KREMEN1: variants seen among roughly 807,000 people sequenced by gnomAD.
KREMEN1 encodes the protein kringle containing transmembrane protein 1, also known as kremen protein 1.
A neutral mutation model predicts 46.5 loss-of-function variants in KREMEN1; 30 were observed. The ratio of observed to expected loss-of-function variants is 0.65; its 90% confidence interval spans 0.48 to 0.88. The LOEUF is 0.88. Among genes scored for constraint, KREMEN1 ranks in the 40% least tolerant of loss-of-function variants. KREMEN1 has a pLI of 0.00. For synonymous variants in KREMEN1, 214 were observed against 230.6 expected, an observed-to-expected ratio of 0.93 and a Z score of 0.65; for missense variants, 533 against 596.9, an observed-to-expected ratio of 0.89 and a Z score of 1.11.
intron 2 of KREMEN1, 58 bp downstream of exon 2, chr22:29,094,478 C>A: frequency 6.9e-7 from 1 of 1,450,408 alleles, no homozygotes; most frequent in Non-Finnish European, 9.4e-7. Context: ...TCTCTTCTTC[C>A]AACCCCTTTC....
intron 4 of KREMEN1, among the ~76,000 whole-genome samples, chr22:29,124,287 T>G (rs1000621936): frequency 2.0e-5 from 3 of 152,186 alleles, no homozygotes; most frequent in Admixed American, 2.0e-4. Context: ...TTATGCTGAC[T>G]GAAAGAAGCC....
intron 7 of KREMEN1, among the ~76,000 whole-genome samples, chr22:29,139,138 T>G (rs937666671): frequency 1.3e-5 from 2 of 152,234 alleles, no homozygotes; most frequent in Admixed American, 1.3e-4. Context: ...ATTCACTCAC[T>G]GACTCATTCA....
chr22:29,142,574 CAGGG>C lies in KREMEN1; in HGVS notation c.*465_*468del. On this transcript the variant is annotated 3_prime_UTR_variant, in exon 9 of 9. Coordinates refer to ENST00000400335, the MANE Select transcript of KREMEN1 (RefSeq NM_001039570.3). ...CTTTATGTCTTGGAACAGGGCCAGA[CAGGG>C]AGAACTCTCAGGTACTCTTGGGAGT... 1 of 985,948 alleles carries C rather than the reference CAGGG, an allele frequency of 1.0e-6. No homozygotes were observed. The highest frequency in any genetic ancestry group is 1.2e-6 in the Non-Finnish European group (1 of 830,288). The allele number at this position is 985,948 out of a possible 1,614,324, so 61.1% of individuals were successfully genotyped here.
At chr22:29,125,606 A>G (rs1285435565) in intron 5 of KREMEN1, among the ~76,000 whole-genome samples, 190 bp downstream of exon 5, 2 of 152,070 alleles carry the variant, frequency 1.3e-5, no homozygotes, top group Admixed American at 1.3e-4. Flanking sequence ...AAGAGAGAAC[A>G]GACACTTAAA....
At chr22:29,098,154 T>C (rs134663) in intron 2 of KREMEN1, among the ~76,000 whole-genome samples, 145,699 of 151,586 alleles carry the variant, frequency 0.96, 70,094 homozygotes, top group East Asian at 1. Flanking sequence ...GCACTCCAGC[T>C]CAGCCTGGGT....
chr22:29,135,851 T>G (rs1475990559), intron 5 of KREMEN1, among the ~76,000 whole-genome samples: 2 of 152,200 alleles, frequency 1.3e-5, no homozygotes, highest in African/African-American at 4.8e-5. Context: ...TAGAATTAAG[T>G]TCCCCTGGTT....
chr22:29,077,247 A>T (rs1011997608), intron 1 of KREMEN1, among the ~76,000 whole-genome samples: 2 of 152,250 alleles, frequency 1.3e-5, no homozygotes, highest in Admixed American at 6.5e-5. Context: ...TGTTGCAATT[A>T]TTCAACTCTG....
At chr22:29,154,227 C>T (rs2038942227) in intron 9 of KREMEN1, 1 of 152,154 alleles carries the variant, frequency 6.6e-6, no homozygotes, top group South Asian at 2.1e-4. Flanking sequence ...GGGCAGTTCC[C>T]TCCTTAGAGA....
Position 29,143,408 on chromosome 22 carries a change from T to C in KREMEN1, c.*1296T>C, listed in dbSNP as rs1054607612. The C allele has an allele frequency of 4.1e-6, 4 of 985,308 alleles. No individual in the cohort carries two copies. Among genetic ancestry groups the C allele is most frequent in the African/African-American group, 1.7e-5 (1 of 57,212 alleles). 61.0% of individuals were successfully genotyped at this position (985,308 alleles called of 1,614,324 possible). A position where few individuals can be genotyped will look rare whatever the true frequency, so the allele number is the denominator to read the frequency against. On this transcript the variant is annotated 3_prime_UTR_variant, in exon 9 of 9. Coordinates refer to ENST00000400335, the MANE Select transcript of KREMEN1 (RefSeq NM_001039570.3). Reference sequence around the variant, plus strand: ...GCAGCACTATATGAGACATGGGGCCTGTGGTCCTTCCTTCTGGTGTCCCCC... The same window carrying C: ...GCAGCACTATATGAGACATGGGGCCCGTGGTCCTTCCTTCTGGTGTCCCCC...
rs1232793499 is a variant in KREMEN1, at chr22:29,138,557, C to G, written c.965-67C>G. On this transcript the variant is annotated intron_variant, in intron 6 of 8. Transcript: ENST00000400335. ...AGAACTCTTCTTCATAACTCGTGCT[C>G]TCCTCCCGCACAACTCTTTGTTGTC... 4 of 1,473,850 alleles carry G rather than the reference C, an allele frequency of 2.7e-6. No homozygotes were observed. The South Asian group carries it at 3.4e-5, about 13-fold the overall frequency. 91.3% of individuals were successfully genotyped at this position (1,473,850 alleles called of 1,614,324 possible).
chr22:29,085,710 C>T (rs2037718181), intron 1 of KREMEN1, among the ~76,000 whole-genome samples: 1 of 152,152 alleles, frequency 6.6e-6, no homozygotes, highest in Non-Finnish European at 1.5e-5. Context: ...CACAATAGCT[C>T]TTGCCTGTAA....
chr22:29,098,966 T>C lies in KREMEN1; in HGVS notation c.352+13T>C, dbSNP rs776056922. 5.7e-6 allele frequency: 9 copies of C among 1,573,658 alleles called. No homozygotes were observed. The Admixed American group carries it at 8.3e-5, about 15-fold the overall frequency. ...CCTGCTTGCCAGAGTAAGACTGTAA[T>C]ACCCAATGTGATGGTTTACAGGACT... On this transcript the variant is annotated intron_variant, in intron 3 of 8. Coordinates refer to ENST00000400335, the MANE Select transcript of KREMEN1 (RefSeq NM_001039570.3).
intron 3 of KREMEN1, among the ~76,000 whole-genome samples, chr22:29,100,094 CTTTT>C (rs71196622): frequency 8.4e-6 from 1 of 118,574 alleles, no homozygotes; most frequent in Non-Finnish European, 1.7e-5. Flanking sequence ...CTTGACTAGT[CTTTT>C]TTTTTTTTTT....
chr22:29,120,382 T>C (rs1447116135), intron 3 of KREMEN1, among the ~76,000 whole-genome samples: 46 of 108,918 alleles, frequency 4.2e-4, no homozygotes, highest in Non-Finnish European at 6.8e-4. Flanking sequence ...GGAGAGGTGA[T>C]AATGGAAACA....
intron 5 of KREMEN1, among the ~76,000 whole-genome samples, chr22:29,128,003 C>T (rs1190774692): frequency 2.6e-5 from 4 of 152,150 alleles, no homozygotes; most frequent in African/African-American, 9.7e-5. Flanking sequence ...ATTTTATGAT[C>T]TCATTTATAT....
chr22:29,105,118 G>A (rs2038034801), intron 3 of KREMEN1, among the ~76,000 whole-genome samples: 1 of 152,118 alleles, frequency 6.6e-6, no homozygotes, highest in African/African-American at 2.4e-5. Context: ...AGTGAGGTGA[G>A]CAAAAGGTTC....
At chr22:29,094,468 T>C in intron 2 of KREMEN1, 48 bp downstream of exon 2, 1 of 1,523,182 alleles carries the variant, frequency 6.6e-7, no homozygotes, top group Non-Finnish European at 8.9e-7. Flanking sequence ...ATATATCTAG[T>C]CTCTTCTTCC....
At chr22:29,161,936 C>T (rs143520211) in intron 9 of KREMEN1, among the ~76,000 whole-genome samples, 3,202 of 151,532 alleles carry the variant, frequency 0.021, 120 homozygotes, top group African/African-American at 0.075. Flanking sequence ...ACCAACATGG[C>T]GAAACCCCAT....
chr22:29,105,680 G>T (rs1245117068), intron 3 of KREMEN1, among the ~76,000 whole-genome samples: 1 of 152,138 alleles, frequency 6.6e-6, no homozygotes, highest in Non-Finnish European at 1.5e-5. Flanking sequence ...TGAGGTGAGG[G>T]CTGAGTGTCT....
Sources: allele counts gnomAD v4.1 joint callset (sites outside exome capture counted in the v4.1 genomes callset), GRCh38; gene constraint gnomAD v4.1.1; transcripts MANE v1.5; gene names NCBI Gene and HGNC (gene_info 2026-07-23, HGNC 2026-07-21).